ASXL2: variants seen among roughly 807,000 people sequenced by gnomAD.
ASXL2 encodes putative Polycomb group protein ASXL2.
Under a neutral mutation model 122.0 loss-of-function variants are expected in ASXL2, and 23 were observed. The ratio of observed to expected loss-of-function variants is 0.19; its 90% CI spans 0.14 to 0.27. ASXL2 has a LOEUF of 0.27. Among genes scored for constraint, ASXL2 ranks in the 10% least tolerant of loss-of-function variants. The pLI, the probability that ASXL2 is intolerant of heterozygous loss-of-function variation, is 1.00. For missense variants in ASXL2, 1,518 were observed against 1,713.8 expected, an observed-to-expected ratio of 0.89 and a Z score of 2.02; for synonymous variants, 650 against 637.0, an observed-to-expected ratio of 1.02 and a Z score of -0.31.
At chr2:25,865,583 C>T (rs28558872) in intron 1 of ASXL2, among the ~76,000 whole-genome samples, 41,541 of 148,732 alleles carry the variant, frequency 0.28, 6,083 homozygotes, top group African/African-American at 0.32. Flanking sequence ...CTGGCTAACA[C>T]GGTGAGACCC....
intron 1 of ASXL2, among the ~76,000 whole-genome samples, chr2:25,851,543 AACTG>A (rs1215355249): frequency 1.3e-5 from 2 of 152,204 alleles, no homozygotes; most frequent in African/African-American, 2.4e-5. Context: ...TATGTATTGT[AACTG>A]ACTGGTCTTT....
In ASXL2 at chr2:25,735,989, A is replaced by G. The variant is rs1390907332; in HGVS notation, c.*6040T>C. 1 of 152,192 alleles carries G rather than the reference A, an allele frequency of 6.6e-6. No individual in the cohort carries two copies. Among genetic ancestry groups the G allele is most frequent in the Non-Finnish European group, 1.5e-5 (1 of 68,024 alleles). 9.4% of individuals were successfully genotyped at this position (152,192 alleles called of 1,614,324 possible). On this transcript the variant is annotated 3_prime_UTR_variant, in exon 13 of 13. Transcript: ENST00000435504. ...ACTAAAAACATGCTGTATAGTCACTACTTTAGGAAAACCTTTCTGCAACTT... is the reference window on the plus strand; with the variant it reads ...ACTAAAAACATGCTGTATAGTCACTGCTTTAGGAAAACCTTTCTGCAACTT...
At chr2:25,761,030 A>G (rs930776836) in intron 8 of ASXL2, among the ~76,000 whole-genome samples, 1 of 152,204 alleles carries the variant, frequency 6.6e-6, no homozygotes, top group African/African-American at 2.4e-5. Context: ...ATAGCCAAAC[A>G]ATTTACCCTC....
At chr2:25,785,606 A>G (rs533249483) in intron 5 of ASXL2, among the ~76,000 whole-genome samples, 72 of 151,906 alleles carry the variant, frequency 4.7e-4, no homozygotes, top group African/African-American at 1.7e-3. Flanking sequence ...GAGTGCAATG[A>G]TGCAATCTTG....
At chr2:25,875,245 TAC>T (rs1402328099) in intron 1 of ASXL2, among the ~76,000 whole-genome samples, 3 of 152,210 alleles carry the variant, frequency 2.0e-5, no homozygotes, top group Non-Finnish European at 2.9e-5. Context: ...TGTCCTTAGT[TAC>T]TGGAGCCAGT....
intron 4 of ASXL2, among the ~76,000 whole-genome samples, chr2:25,802,436 T>C (rs1040888145): frequency 2.6e-5 from 4 of 152,190 alleles, no homozygotes; most frequent in African/African-American, 4.8e-5. Flanking sequence ...CCTAGAGCTC[T>C]TTTTAGCTGT....
rs888028041 is a variant in ASXL2 at position 25,733,758 on chromosome 2, T to G, written c.*8271A>C. 15 of 152,208 alleles carry G rather than the reference T, an allele frequency of 9.9e-5. No individual in the cohort carries two copies. The highest frequency in any genetic ancestry group is 3.6e-4 in the African/African-American group (15 of 41,442). The allele number at this position is 152,208 out of a possible 1,614,324, so 9.4% of individuals were successfully genotyped here. ...AAAAGAAAAGGCATAGTCGCTAGGG[T>G]AAAACTGTATGCCTTTATTCAACAT... On this transcript the variant is annotated 3_prime_UTR_variant, in exon 13 of 13. Coordinates refer to ENST00000435504, the MANE Select transcript of ASXL2 (RefSeq NM_018263.6).
intron 1 of ASXL2, among the ~76,000 whole-genome samples, chr2:25,847,767 G>A (rs916070400): frequency 1.3e-5 from 2 of 152,120 alleles, no homozygotes; most frequent in African/African-American, 2.4e-5. Context: ...AAGTACTTAC[G>A]GATGAAATCA....
chr2:25,876,506 A>ATGTT (rs1454718909), intron 1 of ASXL2, among the ~76,000 whole-genome samples: 11 of 152,228 alleles, frequency 7.2e-5, no homozygotes, highest in Non-Finnish European at 1.5e-4. Flanking sequence ...CCCTGTCTCT[A>ATGTT]CAAAATATTT....
At chr2:25,817,989 T>C (rs1219452064) in intron 3 of ASXL2, among the ~76,000 whole-genome samples, 1 of 152,220 alleles carries the variant, frequency 6.6e-6, no homozygotes, top group African/African-American at 2.4e-5. Flanking sequence ...TTAAGTTACA[T>C]GGTAATGATT....
At chr2:25,749,198 A>G (rs908306989) in intron 12 of ASXL2, among the ~76,000 whole-genome samples, 9 of 152,184 alleles carry the variant, frequency 5.9e-5, no homozygotes, top group African/African-American at 1.9e-4. Flanking sequence ...TGCATTACAG[A>G]CTACCTGTAG....
chr2:25,806,185 T>C, intron 4 of ASXL2, 44 bp downstream of exon 4: 1 of 1,253,704 alleles, frequency 8.0e-7, no homozygotes, highest in Non-Finnish European at 1.2e-6. Context: ...ATGTGGTCAC[T>C]TCCTGTTTTT....
chr2:25,856,561 G>T, intron 1 of ASXL2: 1 of 1,140,476 alleles, frequency 8.8e-7, no homozygotes. Context: ...TTCGCCAGAC[G>T]CTCCAAGGGG....
At chr2:25,801,306 C>A (rs937240123) in intron 4 of ASXL2, among the ~76,000 whole-genome samples, 1 of 152,140 alleles carries the variant, frequency 6.6e-6, no homozygotes, top group Admixed American at 6.5e-5. Context: ...TTTCCCACAT[C>A]GTTTTAACAA....
Position 25,742,865 on chromosome 2 carries a change from C to T in ASXL2, c.3472G>A (p.Ala1158Thr). ...CAGTCTGTATATCCCATTTTCAAGG[C>T]TTCAGTGGGGCTGCTTAGACAAAAA... ...DRFCLSSPTEALKMGYTDCKN... is the reference protein window; with the variant it reads ...DRFCLSSPTETLKMGYTDCKN... Residue 1158 changes from alanine (A) to threonine (T), a missense_variant, in exon 13 of 13, where the codon GCC (alanine) becomes ACC (threonine). Transcript: ENST00000435504. The T allele has an allele frequency of 4.3e-6, 7 of 1,613,986 alleles. No individual in the cohort carries two copies. The highest frequency in any genetic ancestry group is 5.9e-6 in the Non-Finnish European group (7 of 1,179,894).
intron 3 of ASXL2, among the ~76,000 whole-genome samples, chr2:25,828,984 G>A (rs953189208): frequency 6.6e-6 from 1 of 152,092 alleles, no homozygotes; most frequent in Non-Finnish European, 1.5e-5. Flanking sequence ...ATGAGATAAT[G>A]ATCTCACAAG....
chr2:25,802,559 G>A (rs1286860916), intron 4 of ASXL2, among the ~76,000 whole-genome samples: 2 of 152,140 alleles, frequency 1.3e-5, no homozygotes, highest in African/African-American at 4.8e-5. Flanking sequence ...TGAGTAAAAG[G>A]AGCATCTGAC....
chr2:25,862,611 GTT>G (rs2089852877), intron 1 of ASXL2, among the ~76,000 whole-genome samples: 1 of 152,150 alleles, frequency 6.6e-6, no homozygotes, highest in African/African-American at 2.4e-5. Flanking sequence ...TTGTTTGTTT[GTT>G]TTTTGAGACA....
At chr2:25,866,367 G>A (rs1455847738) in intron 1 of ASXL2, among the ~76,000 whole-genome samples, 1 of 152,088 alleles carries the variant, frequency 6.6e-6, no homozygotes, top group East Asian at 1.9e-4. Flanking sequence ...TTGACCTCGT[G>A]AGTCGCCCGC....
Sources: allele counts gnomAD v4.1 joint callset (sites outside exome capture counted in the v4.1 genomes callset), GRCh38; gene constraint gnomAD v4.1.1; transcripts MANE v1.5; gene names NCBI Gene and HGNC (gene_info 2026-07-23, HGNC 2026-07-21).